Variants in CBL observed in about 807,000 individuals in gnomAD.
CBL encodes E3 ubiquitin-protein ligase CBL.
In CBL, 45 loss-of-function variants were observed where a neutral mutation model predicts 96.9. The ratio of observed to expected loss-of-function variants is 0.46; its 90% CI spans 0.37 to 0.60. The LOEUF (loss-of-function observed/expected upper bound fraction) is 0.60, where lower values mean the gene tolerates loss of function less well. Ranked by LOEUF, CBL falls within the 20% of genes least tolerant of loss-of-function variation. The pLI is 0.00. For missense variants in CBL, 1,024 were observed against 1,143.5 expected, an observed-to-expected ratio of 0.90 and a Z score of 1.51; for synonymous variants, 420 against 426.8, an observed-to-expected ratio of 0.98 and a Z score of 0.20.
chr11:119,262,997 G>A (rs1183642370), intron 2 of CBL, among the ~76,000 whole-genome samples: 1 of 152,174 alleles, frequency 6.6e-6, no homozygotes, highest in Non-Finnish European at 1.5e-5. Flanking sequence ...ATGTCACTAA[G>A]TCTTTGTTTC....
chr11:119,229,095 T>C (rs1465980134), intron 1 of CBL, among the ~76,000 whole-genome samples: 2 of 152,174 alleles, frequency 1.3e-5, no homozygotes, highest in Admixed American at 6.6e-5. Context: ...CAGTTTTTGC[T>C]AGATCTTAAT....
chr11:119,221,652 C>T (rs976093211), intron 1 of CBL, among the ~76,000 whole-genome samples: 7 of 151,290 alleles, frequency 4.6e-5, no homozygotes, highest in East Asian at 2.0e-4. Context: ...CCTGTAATTT[C>T]GGTTACTTGG....
At chr11:119,252,273 A>T (rs1333603187) in intron 2 of CBL, among the ~76,000 whole-genome samples, 2 of 152,112 alleles carry the variant, frequency 1.3e-5, no homozygotes, top group Non-Finnish European at 2.9e-5. Flanking sequence ...CAAGTTAAGT[A>T]TTTAGATTTA....
intron 2 of CBL, among the ~76,000 whole-genome samples, chr11:119,235,214 A>G (rs528834134): frequency 6.6e-6 from 1 of 152,026 alleles, no homozygotes; most frequent in Non-Finnish European, 1.5e-5. Flanking sequence ...CCCGCATTCA[A>G]ACAATTCTCT....
chr11:119,223,590 C>T (rs892814919), intron 1 of CBL, among the ~76,000 whole-genome samples: 12 of 150,494 alleles, frequency 8.0e-5, no homozygotes, highest in East Asian at 7.8e-4. Context: ...CCACCACGCC[C>T]GGCTAAATTT....
At position 119,300,709 on chromosome 11, in the gene CBL, C is replaced by T. The variant is rs149523956; in HGVS notation, c.*928C>T. The T allele has an allele frequency of 5.5e-5, 22 of 397,056 alleles. No individual in the cohort carries two copies. The highest frequency in any genetic ancestry group is 3.9e-4 in the East Asian group (11 of 28,034). The allele number at this position is 397,056 out of a possible 1,614,324, so 24.6% of individuals were successfully genotyped here. On this transcript the variant is annotated 3_prime_UTR_variant, in exon 16 of 16. Transcript: ENST00000264033. ...GGCCTTTAAATACATTCCATGCCCTCCCCAGAAAATAGTCTGTGGGAGTCA... is the reference window on the plus strand; with the variant it reads ...GGCCTTTAAATACATTCCATGCCCTTCCCAGAAAATAGTCTGTGGGAGTCA...
chr11:119,214,058 C>A (rs114507179), intron 1 of CBL, among the ~76,000 whole-genome samples: 2 of 152,096 alleles, frequency 1.3e-5, no homozygotes, highest in Non-Finnish European at 2.9e-5. Context: ...AATTTTGTTG[C>A]CTCAGCCTCC....
intron 2 of CBL, among the ~76,000 whole-genome samples, chr11:119,261,614 A>C (rs182966922): frequency 4.6e-5 from 7 of 152,190 alleles, no homozygotes; most frequent in African/African-American, 1.7e-4. Context: ...ATATGTTTGT[A>C]TATGTCTTTA....
chr11:119,228,790 CTAA>C (rs914936676), intron 1 of CBL, among the ~76,000 whole-genome samples: 3 of 149,422 alleles, frequency 2.0e-5, no homozygotes, highest in African/African-American at 7.4e-5. Context: ...CCACTCCTAG[CTAA>C]TTCCTTCTCT....
At position 119,278,604 on chromosome 11, in the gene CBL, G is replaced by T. The variant is rs1949908794; in HGVS notation, c.1322G>T (p.Ser441Ile). 6.2e-7 allele frequency: 1 copy of T among 1,613,930 alleles called. No homozygotes were observed. The highest frequency in any genetic ancestry group is 1.3e-5 in the African/African-American group (1 of 74,870). The change falls in exon 9 of 16, where the codon AGC becomes ATC. Residue 441 changes from serine to isoleucine, a missense_variant. Coordinates refer to ENST00000264033, the MANE Select transcript of CBL (RefSeq NM_005188.4). ...VDPFDPRGSG[S>I]LLRQGAEGAP... Reference sequence around the variant, plus strand: ...CCGTTTGATCCTAGAGGGAGTGGCAGCCTGTTGAGGCAAGGAGCAGAGGGA... The same window carrying T: ...CCGTTTGATCCTAGAGGGAGTGGCATCCTGTTGAGGCAAGGAGCAGAGGGA...
At chr11:119,274,977 T>A (rs751962708) in intron 5 of CBL, 24 bp downstream of exon 5, 22 of 1,604,574 alleles carry the variant, frequency 1.4e-5, no homozygotes, top group Non-Finnish European at 1.8e-5. Flanking sequence ...CGCAAAGAGA[T>A]TTATTCTTCT....
At chr11:119,279,639 G>A (rs1484725499) in intron 9 of CBL, among the ~76,000 whole-genome samples, 3 of 152,174 alleles carry the variant, frequency 2.0e-5, no homozygotes, top group African/African-American at 7.2e-5. Context: ...GTGACAGAGC[G>A]AGACCCTGTC....
chr11:119,211,784 A>G (rs191741036), intron 1 of CBL, among the ~76,000 whole-genome samples: 1 of 152,026 alleles, frequency 6.6e-6, no homozygotes, highest in African/African-American at 2.4e-5. Context: ...AACTAAAAGC[A>G]TGAGCCACTG....
chr11:119,223,401 AATTAT>A (rs1254020721), intron 1 of CBL, among the ~76,000 whole-genome samples: 4 of 147,168 alleles, frequency 2.7e-5, no homozygotes, highest in African/African-American at 1.0e-4. Flanking sequence ...TTTTATTTTG[AATTAT>A]GTTATGTTAT....
chr11:119,265,744 C>G lies in CBL; in HGVS notation c.444-5991C>G, dbSNP rs558033454. Among the ~76,000 whole-genome samples, 392 of 151,960 alleles carry G rather than the reference C, an allele frequency of 2.6e-3. 2 individuals carry two copies. Among genetic ancestry groups the G allele is most frequent in the African/African-American group, 9.2e-3 (382 of 41,452 alleles). ...TCTACTAAAAATACAAAAATTAGGC[C>G]GGGCGCAGTGGCTCACGCCTGTAAT... On this transcript the variant is annotated intron_variant, in intron 2 of 15. Coordinates refer to ENST00000264033, the MANE Select transcript of CBL (RefSeq NM_005188.4).
intron 2 of CBL, among the ~76,000 whole-genome samples, chr11:119,267,399 G>A (rs1949810952): frequency 6.6e-6 from 1 of 152,094 alleles, no homozygotes; most frequent in Non-Finnish European, 1.5e-5. Context: ...ATTTTGGTAT[G>A]CATATTTTAT....
At chr11:119,251,036 C>T (rs1317522127) in intron 2 of CBL, among the ~76,000 whole-genome samples, 2 of 152,164 alleles carry the variant, frequency 1.3e-5, no homozygotes, top group African/African-American at 4.8e-5. Flanking sequence ...GTAGTTCCAT[C>T]TTGGATGAAA....
At position 119,273,856 on chromosome 11, in the gene CBL, C is replaced by T; in HGVS notation, c.591-12C>T. 1 of 1,611,996 alleles carries T rather than the reference C, an allele frequency of 6.2e-7. No homozygotes were observed. Among genetic ancestry groups the T allele is most frequent in the African/African-American group, 1.3e-5 (1 of 75,012 alleles). Reference sequence around the variant, plus strand: ...TATTTCACTTTATGCCTCCTCTCCACCCCCTCCCCAGGACAATAGTCCCTT... The same window carrying T: ...TATTTCACTTTATGCCTCCTCTCCATCCCCTCCCCAGGACAATAGTCCCTT... On this transcript the variant is annotated splice_polypyrimidine_tract_variant and intron_variant, in intron 3 of 15. Coordinates refer to ENST00000264033, the MANE Select transcript of CBL (RefSeq NM_005188.4).
intron 1 of CBL, among the ~76,000 whole-genome samples, chr11:119,229,893 A>G (rs1330826034): frequency 6.6e-6 from 1 of 151,844 alleles, no homozygotes; most frequent in African/African-American, 2.4e-5. Context: ...ATGTCCGGCT[A>G]ATTTTTGAAG....
Sources: allele counts gnomAD v4.1 joint callset (sites outside exome capture counted in the v4.1 genomes callset), GRCh38; gene constraint gnomAD v4.1.1; transcripts MANE v1.5; gene names NCBI Gene and HGNC (gene_info 2026-07-23, HGNC 2026-07-21).